Variants in DAPK1 observed in about 807,000 individuals in gnomAD.
DAPK1 encodes death associated protein kinase 1, also known as death-associated protein kinase 1.
DAPK1 carries 56 observed loss-of-function variants against 144.9 expected under a neutral mutation model. That is an observed-to-expected ratio of 0.39 (90% CI 0.31 to 0.48). DAPK1 has a LOEUF of 0.48. DAPK1 is among the 20% of genes least tolerant of loss of function. DAPK1 has a pLI of 0.95. For missense variants in DAPK1, 1,454 were observed against 1,875.4 expected, an observed-to-expected ratio of 0.78 and a Z score of 4.15; for synonymous variants, 690 against 749.0, an observed-to-expected ratio of 0.92 and a Z score of 1.29.
At chr9:87,532,730 C>T (rs1825738507) in intron 2 of DAPK1, among the ~76,000 whole-genome samples, 1 of 152,160 alleles carries the variant, frequency 6.6e-6, no homozygotes, top group South Asian at 2.1e-4. Context: ...AACCTCATGT[C>T]TCCTCTTCTC....
At chr9:87,567,629 GTTT>G (rs1249276863) in intron 2 of DAPK1, among the ~76,000 whole-genome samples, 1 of 152,124 alleles carries the variant, frequency 6.6e-6, no homozygotes. Context: ...TAGCCTCTTG[GTTT>G]CCACTGGCAC....
At chr9:87,605,217 G>A (rs1828672163) in intron 3 of DAPK1, 42 bp downstream of exon 3, 1 of 1,525,538 alleles carries the variant, frequency 6.6e-7, no homozygotes, top group Non-Finnish European at 9.1e-7. Flanking sequence ...GGTGTGGTGG[G>A]CGTCAGCTGG....
chr9:87,546,239 C>T (rs959836281), intron 2 of DAPK1, among the ~76,000 whole-genome samples: 1 of 152,124 alleles, frequency 6.6e-6, no homozygotes, highest in African/African-American at 2.4e-5. Context: ...AGGAGCATCC[C>T]ATGTGATGCA....
intron 2 of DAPK1, among the ~76,000 whole-genome samples, chr9:87,533,636 C>T (rs1282374781): frequency 7.2e-6 from 1 of 138,854 alleles, no homozygotes. Flanking sequence ...CTAATTGGTC[C>T]ATGTGTGCAC....
chr9:87,681,677 ACT>A, intron 20 of DAPK1, 51 bp downstream of exon 20: 1 of 921,946 alleles, frequency 1.1e-6, no homozygotes, highest in Non-Finnish European at 1.8e-6. Context: ...TGGCTTCCGC[ACT>A]CTCTCCTTTC....
intron 2 of DAPK1, among the ~76,000 whole-genome samples, chr9:87,557,985 G>A (rs765184868): frequency 4.6e-5 from 7 of 152,276 alleles, no homozygotes; most frequent in East Asian, 1.9e-4. Context: ...TTAGCCAGGC[G>A]TGTCTCTTGT....
intron 18 of DAPK1, among the ~76,000 whole-genome samples, chr9:87,661,317 GGTAGATACCCA>G (rs760525686): frequency 3.3e-5 from 5 of 152,272 alleles, no homozygotes; most frequent in Admixed American, 6.5e-5. Context: ...TTTTCCTTCA[GGTAGATACCCA>G]GTAGTAGGGT....
intron 3 of DAPK1, chr9:87,632,436 G>T (rs1484365295): frequency 6.1e-6 from 6 of 982,606 alleles, no homozygotes; most frequent in Non-Finnish European, 7.2e-6. Flanking sequence ...AAGTGTGTAT[G>T]TAAGGATGAA....
At chr9:87,639,887 G>T in intron 7 of DAPK1, 72 bp downstream of exon 7, 1 of 1,518,004 alleles carries the variant, frequency 6.6e-7, no homozygotes, top group Non-Finnish European at 9.1e-7. Flanking sequence ...ACCATTAAAT[G>T]TGCTGTGTTG....
At chr9:87,554,629 A>C (rs1826631751) in intron 2 of DAPK1, among the ~76,000 whole-genome samples, 1 of 152,118 alleles carries the variant, frequency 6.6e-6, no homozygotes, top group Admixed American at 6.5e-5. Flanking sequence ...GCTCATGTAG[A>C]TCCCTCGGCA....
intron 21 of DAPK1, among the ~76,000 whole-genome samples, chr9:87,692,784 A>G (rs1825106903): frequency 6.6e-6 from 1 of 151,726 alleles, no homozygotes; most frequent in Non-Finnish European, 1.5e-5. Flanking sequence ...GGAAGACTTT[A>G]TTTCTCCTTC....
chr9:87,663,220 C>A (rs189456778), intron 18 of DAPK1, among the ~76,000 whole-genome samples: 55 of 152,262 alleles, frequency 3.6e-4, no homozygotes, highest in Admixed American at 2.3e-3. Flanking sequence ...GCAGAGTCCC[C>A]ACTCACCTCC....
At position 87,498,102 on chromosome 9, in the gene DAPK1, G is replaced by C; in HGVS notation, c.-114G>C. 2 of 397,590 alleles carry C rather than the reference G, an allele frequency of 5.0e-6. No individual in the cohort carries two copies. Among genetic ancestry groups the C allele is most frequent in the Non-Finnish European group, 8.9e-6 (2 of 225,582 alleles). 24.6% of individuals were successfully genotyped at this position (397,590 alleles called of 1,614,324 possible). A position where few individuals can be genotyped will look rare whatever the true frequency, so the allele number is the denominator to read the frequency against. ...GGAGGGACCGGGGGAGCTCCCAGGC[G>C]CCCGGGTGAGTAGCCAGGCGCGGCT... On this transcript the variant is annotated 5_prime_UTR_variant, in exon 1 of 26. Transcript: ENST00000408954.
intron 2 of DAPK1, among the ~76,000 whole-genome samples, chr9:87,549,012 A>T (rs1338494305): frequency 7.4e-6 from 1 of 134,528 alleles, no homozygotes; most frequent in Non-Finnish European, 1.5e-5. Context: ...AATGTGTGCC[A>T]TGGTGGTTTG....
chr9:87,540,346 T>G (rs1263052733), intron 2 of DAPK1, among the ~76,000 whole-genome samples: 2 of 151,972 alleles, frequency 1.3e-5, no homozygotes, highest in Non-Finnish European at 2.9e-5. Flanking sequence ...TGTGCCACCA[T>G]GCCTGGCTAA....
rs377415918 is a variant in DAPK1 at position 87,660,262 on chromosome 9, G to T, written c.1923+2135G>T. 8.5e-5 allele frequency among the ~76,000 whole-genome samples: 13 copies of T among 152,104 alleles called. No homozygotes were observed. The South Asian group carries it at 2.5e-3, about 29-fold the overall frequency. ...GCAGGGAACCGGGGCTTCCTCTCCC[G>T]TGGGCAGCCAGGGGAGGGTTCCGCA... On this transcript the variant is annotated intron_variant, in intron 18 of 25. Transcript: ENST00000408954.
chr9:87,704,727 C>T (rs1442348271), intron 25 of DAPK1, among the ~76,000 whole-genome samples: 1 of 152,178 alleles, frequency 6.6e-6, no homozygotes, highest in Non-Finnish European at 1.5e-5. Flanking sequence ...TTGGCTCTGC[C>T]CTCCAGGAAT....
intron 25 of DAPK1, among the ~76,000 whole-genome samples, chr9:87,703,958 C>T: frequency 6.6e-6 from 1 of 152,168 alleles, no homozygotes; most frequent in Admixed American, 6.5e-5. Context: ...AATATTGCAA[C>T]TAAAAGCAGC....
chr9:87,647,587 T>G (rs1830314460), intron 14 of DAPK1, among the ~76,000 whole-genome samples, 184 bp downstream of exon 14: 1 of 152,228 alleles, frequency 6.6e-6, no homozygotes, highest in South Asian at 2.1e-4. Context: ...GAAATCAGCC[T>G]TAAGTCAAAA....
Sources: allele counts gnomAD v4.1 joint callset (sites outside exome capture counted in the v4.1 genomes callset), GRCh38; gene constraint gnomAD v4.1.1; transcripts MANE v1.5; gene names NCBI Gene and HGNC (gene_info 2026-07-23, HGNC 2026-07-21).